The following PIWIL3 variants were observed in gnomAD, a reference collection of about 807,000 sequenced individuals.
PIWIL3 encodes piwi like RNA-mediated gene silencing 3.
A neutral mutation model predicts 109.7 loss-of-function variants in PIWIL3; 101 were observed. The observed-to-expected ratio is 0.92, with a 90% CI of 0.78 to 1.09. The LOEUF is 1.09. PIWIL3 is among the 50% of genes least tolerant of loss of function. The probability of loss-of-function intolerance (pLI) is 0.00; values close to 1 mark genes in which losing one functional copy is unlikely to be tolerated. For missense variants in PIWIL3, 1,031 were observed against 1,072.6 expected (o/e 0.96, Z 0.54); for synonymous variants, 373 against 376.4 (o/e 0.99, Z 0.10).
chr22:24,762,491 A>G lies in PIWIL3; in HGVS notation c.9T>C (p.Gly3=). Residue 3 remains glycine (G), a synonymous_variant, in exon 2 of 21, where the codon GGT becomes GGC. Coordinates refer to ENST00000616349, the MANE Select transcript of PIWIL3 (RefSeq NM_001255975.1). ...TGCCTCGGGCGCGAGTCCTTGCCCT[A>G]CCAGGCATTGTGGTCCTGAAGGTGA... MP[G]RARTRARGRA... The G allele has an allele frequency of 1.2e-6, 2 of 1,612,448 alleles. No homozygotes were observed. The highest frequency in any genetic ancestry group is 1.7e-6 in the Non-Finnish European group (2 of 1,179,484).
chr22:24,773,703 A>ATTTTTTTT (rs61034646), intron 1 of PIWIL3, among the ~76,000 whole-genome samples: 1 of 110,202 alleles, frequency 9.1e-6, no homozygotes, highest in Non-Finnish European at 1.8e-5. Flanking sequence ...GACACTCTAG[A>ATTTTTTTT]TTTTTTTTTT....
chr22:24,730,327 A>G (rs953594059), intron 14 of PIWIL3, among the ~76,000 whole-genome samples: 11 of 142,712 alleles, frequency 7.7e-5, no homozygotes, highest in African/African-American at 2.9e-4. Flanking sequence ...TTGCATCACT[A>G]CACTCCAGCC....
intron 12 of PIWIL3, among the ~76,000 whole-genome samples, chr22:24,746,494 T>C (rs909753003): frequency 1.3e-5 from 2 of 152,124 alleles, no homozygotes; most frequent in African/African-American, 2.4e-5. Context: ...CTCCAAGATC[T>C]AGAATACAAC....
At chr22:24,749,312 G>A in intron 11 of PIWIL3, 92 bp downstream of exon 11, 1 of 1,531,432 alleles carries the variant, frequency 6.5e-7, no homozygotes, top group East Asian at 2.3e-5. Context: ...CTTGCTTGTA[G>A]AAGAATCTGA....
At position 24,734,125 on chromosome 22, in the gene PIWIL3, T is replaced by C. The variant is rs772325698; in HGVS notation, c.1666A>G (p.Ile556Val). Residue 556 changes from isoleucine (I) to valine (V), a missense_variant, in exon 14 of 21, where the codon ATA (isoleucine) becomes GTA (valine). Ile to Val is a conservative substitution (Grantham distance 29). Coordinates refer to ENST00000616349, the MANE Select transcript of PIWIL3 (RefSeq NM_001255975.1). ...IEVDGDANSY[I>V]DTLRKYTRPT... The stretch of plus-strand genomic sequence containing the variant: ...CTAGTATATTTCCGTAATGTGTCTA[T>C]ATAGGAGTTAGCATCACCATCTACT... The C allele has an allele frequency of 3.1e-6, 5 of 1,613,078 alleles. No homozygotes were observed. The highest frequency in any genetic ancestry group is 2.5e-6 in the Non-Finnish European group (3 of 1,179,662).
chr22:24,762,954 G>A (rs913062528), intron 1 of PIWIL3, among the ~76,000 whole-genome samples: 25 of 151,862 alleles, frequency 1.6e-4, no homozygotes, highest in Non-Finnish European at 2.8e-4. Context: ...TTCAGCCTCA[G>A]TTTTGGTGGG....
At position 24,725,476 on chromosome 22, in the gene PIWIL3, C is replaced by G; in HGVS notation, c.2049G>C (p.Glu683Asp). 6.2e-7 allele frequency: 1 copy of G among 1,614,074 alleles called. No homozygotes were observed. Among genetic ancestry groups the G allele is most frequent in the Non-Finnish European group, 8.5e-7 (1 of 1,180,054 alleles). ...SQCVIQKTGE[E>D]LVKELEICLK... ...AGCAGATCTCCAGCTCTTTCACAAGCTCTTCTCCTGTTTTCTGGATGACAC... is the reference window on the plus strand; with the variant it reads ...AGCAGATCTCCAGCTCTTTCACAAGGTCTTCTCCTGTTTTCTGGATGACAC... The change falls in exon 17 of 21, where the codon GAG becomes GAC. Residue 683 changes from glutamate (E) to aspartate (D), a missense_variant. By Grantham distance (45) the Glu-to-Asp change is conservative. Transcript: ENST00000616349.
chr22:24,748,828 C>T (rs1480733759), intron 12 of PIWIL3, 79 bp downstream of exon 12: 2 of 1,116,940 alleles, frequency 1.8e-6, no homozygotes, highest in African/African-American at 1.6e-5. Context: ...GTAGTCATTA[C>T]TGAGACTCAA....
At chr22:24,749,076 C>A in intron 11 of PIWIL3, 55 bp from the exon 12 acceptor site, 1 of 1,399,148 alleles carries the variant, frequency 7.1e-7, no homozygotes, top group Non-Finnish European at 1.0e-6. Flanking sequence ...AAGCAGCTAG[C>A]CATTTGTGCA....
Position 24,754,806 on chromosome 22 carries a change from C to T in PIWIL3, c.751G>A (p.Ala251Thr). Residue 251 changes from alanine to threonine, a missense_variant, in exon 7 of 21, where the codon GCC becomes ACC. Ala to Thr is a moderately conservative substitution (Grantham distance 58). Transcript: ENST00000616349. ...VGRNYYTKKKAIQLYRHGTSL... is the reference protein window; with the variant it reads ...VGRNYYTKKKTIQLYRHGTSL... ...AACCCATGACGGTATAACTGAATGG[C>T]CTTCTTTTTGGTATAATAGTTGCGA... The T allele has an allele frequency of 1.9e-6, 3 of 1,610,966 alleles. No homozygotes were observed. Among genetic ancestry groups the T allele is most frequent in the Non-Finnish European group, 2.5e-6 (3 of 1,177,306 alleles).
At chr22:24,758,332 CTTT>C (rs1208864133) in intron 3 of PIWIL3, among the ~76,000 whole-genome samples, 2 of 152,180 alleles carry the variant, frequency 1.3e-5, no homozygotes, top group African/African-American at 4.8e-5. Flanking sequence ...TTGGTTCTGT[CTTT>C]AAGCCTATCT....
chr22:24,760,768 G>A (rs527440046), intron 2 of PIWIL3, among the ~76,000 whole-genome samples: 77 of 75,192 alleles, frequency 1.0e-3, no homozygotes, highest in Non-Finnish European at 1.4e-3. Context: ...CAACAAGAGC[G>A]AAACTCTGTC....
In PIWIL3 at chr22:24,771,641, C is replaced by T. The variant is rs566293495; in HGVS notation, c.-23+2681G>A. Among the ~76,000 whole-genome samples, 3 of 152,228 alleles carry T rather than the reference C, an allele frequency of 2.0e-5. No individual in the cohort carries two copies. In the South Asian group the frequency reaches 6.2e-4, roughly 32 times the overall value. ...GGATGTGTGAGGTTTTCTTGTCCTT[C>T]ATAACCAACATTTCAAAAGTTGCTA... On this transcript the variant is annotated intron_variant, in intron 1 of 20. Coordinates refer to ENST00000616349, the MANE Select transcript of PIWIL3 (RefSeq NM_001255975.1).
chr22:24,768,868 T>C (rs1925954940), intron 1 of PIWIL3, among the ~76,000 whole-genome samples: 1 of 152,210 alleles, frequency 6.6e-6, no homozygotes, highest in South Asian at 2.1e-4. Flanking sequence ...TGTGAACAAA[T>C]ATGGTTTTTC....
intron 8 of PIWIL3, among the ~76,000 whole-genome samples, 173 bp downstream of exon 8, chr22:24,753,841 T>G (rs931872612): frequency 6.6e-6 from 1 of 152,230 alleles, no homozygotes; most frequent in East Asian, 1.9e-4. Flanking sequence ...AGTCTACAAT[T>G]GACACATTCT....
At chr22:24,733,986 T>C in intron 14 of PIWIL3, 98 bp downstream of exon 14, 1 of 1,377,360 alleles carries the variant, frequency 7.3e-7, no homozygotes, top group Non-Finnish European at 9.6e-7. Context: ...GTTGGCAAGT[T>C]CAGGAAACCA....
chr22:24,763,776 C>G (rs1306580243), intron 1 of PIWIL3, among the ~76,000 whole-genome samples: 1 of 151,702 alleles, frequency 6.6e-6, no homozygotes, highest in Non-Finnish European at 1.5e-5. Flanking sequence ...TCCCACCCCA[C>G]ACTTAAACCT....
intron 1 of PIWIL3, among the ~76,000 whole-genome samples, chr22:24,771,089 C>T (rs758424929): frequency 1.3e-5 from 2 of 152,038 alleles, no homozygotes; most frequent in Admixed American, 1.3e-4. Context: ...CTTTTTAAAC[C>T]CTTTCACTCA....
intron 8 of PIWIL3, 97 bp from the exon 9 acceptor site, chr22:24,751,595 G>C: frequency 6.6e-7 from 1 of 1,519,940 alleles, no homozygotes. Flanking sequence ...AGGAATTGCA[G>C]AATATATTAG....
Sources: gnomAD v4.1 joint callset for allele counts (sites outside exome capture counted in the v4.1 genomes callset) on GRCh38, gnomAD v4.1.1 for gene constraint, MANE v1.5 for transcripts, NCBI Gene and HGNC (gene_info 2026-07-23, HGNC 2026-07-21) for gene names.